RALGPS1: variants seen among roughly 807,000 people sequenced by gnomAD.
RALGPS1 encodes ras-specific guanine nucleotide-releasing factor RalGPS1.
In RALGPS1, 19 loss-of-function variants were observed where a neutral mutation model predicts 78.8. That is an observed-to-expected ratio of 0.24 (90% CI 0.17 to 0.35). The LOEUF is 0.35. RALGPS1 is among the 10% of genes least tolerant of loss of function. RALGPS1 has a pLI of 1.00. For synonymous variants in RALGPS1, 228 were observed against 256.3 expected, an observed-to-expected ratio of 0.89 and a Z score of 1.06; for missense variants, 454 against 688.3, an observed-to-expected ratio of 0.66 and a Z score of 3.81.
intron 8 of RALGPS1, among the ~76,000 whole-genome samples, chr9:127,080,315 A>G (rs761124031): frequency 2.0e-5 from 3 of 152,246 alleles, no homozygotes; most frequent in Non-Finnish European, 4.4e-5. Flanking sequence ...AAAAACTTAA[A>G]TATTACAAAA....
intron 11 of RALGPS1, among the ~76,000 whole-genome samples, chr9:127,193,125 G>A (rs2061163657): frequency 6.6e-6 from 1 of 152,144 alleles, no homozygotes; most frequent in Admixed American, 6.5e-5. Flanking sequence ...AGAGAGAGAA[G>A]GGGAAAGTGA....
At chr9:127,056,689 A>G (rs2048774350) in intron 7 of RALGPS1, among the ~76,000 whole-genome samples, 2 of 152,140 alleles carry the variant, frequency 1.3e-5, no homozygotes, top group African/African-American at 4.8e-5. Flanking sequence ...CCGACTCTGC[A>G]GTTTTGTTTA....
intron 7 of RALGPS1, among the ~76,000 whole-genome samples, chr9:127,065,021 C>A (rs1334252740): frequency 6.6e-6 from 1 of 151,818 alleles, no homozygotes; most frequent in African/African-American, 2.4e-5. Context: ...CTCACTGCAA[C>A]CTTGAACTCC....
intron 8 of RALGPS1, chr9:127,089,172 G>T: frequency 6.2e-7 from 1 of 1,610,298 alleles, no homozygotes; most frequent in Non-Finnish European, 8.5e-7. Flanking sequence ...GGGTGTCTGG[G>T]AGGAGGCCAT....
At chr9:127,127,684 A>G (rs1040425451) in intron 8 of RALGPS1, among the ~76,000 whole-genome samples, 10 of 152,220 alleles carry the variant, frequency 6.6e-5, no homozygotes, top group Non-Finnish European at 1.2e-4. Flanking sequence ...CTCAACATTT[A>G]TAGGTATCAC....
intron 8 of RALGPS1, among the ~76,000 whole-genome samples, chr9:127,144,851 T>A (rs2058006454): frequency 6.6e-6 from 1 of 152,122 alleles, no homozygotes; most frequent in African/African-American, 2.4e-5. Context: ...AAGCGGGGAA[T>A]GGGGAGTGAT....
chr9:127,126,608 C>T (rs2056633766), intron 8 of RALGPS1, among the ~76,000 whole-genome samples: 1 of 152,220 alleles, frequency 6.6e-6, no homozygotes, highest in South Asian at 2.1e-4. Context: ...CATTTGCTAA[C>T]CTTTTGTCTA....
At chr9:127,015,448 TTTA>T (rs1004234277) in intron 4 of RALGPS1, among the ~76,000 whole-genome samples, 1 of 152,076 alleles carries the variant, frequency 6.6e-6, no homozygotes, top group East Asian at 1.9e-4. Flanking sequence ...GTTATTAGTG[TTTA>T]TTATTATTAT....
chr9:127,123,357 A>G (rs1053491411), intron 8 of RALGPS1, among the ~76,000 whole-genome samples: 1 of 151,992 alleles, frequency 6.6e-6, no homozygotes, highest in Non-Finnish European at 1.5e-5. Context: ...AATTCACTTC[A>G]CCTCTCTGGG....
chr9:126,922,279 A>G (rs1232036641), intron 1 of RALGPS1, among the ~76,000 whole-genome samples: 1 of 152,232 alleles, frequency 6.6e-6, no homozygotes, highest in African/African-American at 2.4e-5. Context: ...AGGTTAAGTC[A>G]ATTTTTGAGT....
At chr9:127,078,187 T>A (rs1306745056) in intron 8 of RALGPS1, among the ~76,000 whole-genome samples, 1 of 152,196 alleles carries the variant, frequency 6.6e-6, no homozygotes, top group Non-Finnish European at 1.5e-5. Flanking sequence ...CCATCCAAAA[T>A]GAAGGAAACT....
intron 4 of RALGPS1, among the ~76,000 whole-genome samples, chr9:127,012,979 A>G (rs570763750): frequency 2.0e-5 from 3 of 152,324 alleles, no homozygotes; most frequent in South Asian, 2.1e-4. Flanking sequence ...GGGTCTCACT[A>G]AAGAGGACAA....
At chr9:127,012,675 G>A (rs1003715847) in intron 4 of RALGPS1, among the ~76,000 whole-genome samples, 18 of 152,254 alleles carry the variant, frequency 1.2e-4, no homozygotes, top group African/African-American at 4.1e-4. Flanking sequence ...GCATCTGGGG[G>A]AAGGCTGGTG....
chr9:127,203,800 C>T (rs2061779830), intron 14 of RALGPS1, among the ~76,000 whole-genome samples: 1 of 152,198 alleles, frequency 6.6e-6, no homozygotes, highest in Non-Finnish European at 1.5e-5. Flanking sequence ...GGTTAAGCAG[C>T]AGCCCAGGAC....
chr9:126,953,509 C>G (rs2038059402), intron 1 of RALGPS1, among the ~76,000 whole-genome samples: 1 of 152,130 alleles, frequency 6.6e-6, no homozygotes, highest in African/African-American at 2.4e-5. Context: ...ACCATTATGC[C>G]AGGCTACCTC....
intron 7 of RALGPS1, 73 bp downstream of exon 7, chr9:127,053,012 C>G: frequency 9.3e-7 from 1 of 1,072,588 alleles, no homozygotes; most frequent in East Asian, 2.4e-5. Flanking sequence ...TCCACAAGCC[C>G]CAGCCTTTCT....
At position 126,952,524 on chromosome 9, in the gene RALGPS1, G is replaced by A. The variant is rs1381543218; in HGVS notation, c.-65-9701G>A. Among the ~76,000 whole-genome samples the A allele has an allele frequency of 7.2e-5, 11 of 152,112 alleles. No individual in the cohort carries two copies. In the East Asian group the frequency reaches 2.1e-3, roughly 29 times the overall value. ...AACAGCATGGCCATCCTTACACAAG[G>A]GGGCCTTTCTTGAACTCCTGGCAGG... is the stretch of plus-strand genomic sequence containing the variant. On this transcript the variant is annotated intron_variant, in intron 1 of 18. Transcript: ENST00000259351.
At chr9:127,107,633 G>A (rs2054346695) in intron 8 of RALGPS1, among the ~76,000 whole-genome samples, 1 of 152,160 alleles carries the variant, frequency 6.6e-6, no homozygotes. Flanking sequence ...GAAAACTACA[G>A]GCTCTGGGTT....
At chr9:127,210,698 G>C in intron 14 of RALGPS1, 1 of 1,550,188 alleles carries the variant, frequency 6.5e-7, no homozygotes, top group Non-Finnish European at 8.7e-7. Flanking sequence ...TCTGAAGCAG[G>C]GGACGTCTCT....
Sources: allele counts gnomAD v4.1 joint callset (sites outside exome capture counted in the v4.1 genomes callset), GRCh38; gene constraint gnomAD v4.1.1; transcripts MANE v1.5; gene names NCBI Gene and HGNC (gene_info 2026-07-23, HGNC 2026-07-21).